Variants in GALNT13 observed in about 807,000 individuals in gnomAD.
GALNT13 encodes the protein UDP-GalNAc:polypeptide N-acetylgalactosaminyltransferase 13.
In GALNT13, 28 loss-of-function variants were observed where a neutral mutation model predicts 64.2. The observed-to-expected ratio is 0.44, with a 90% confidence interval of 0.32 to 0.60. The LOEUF (loss-of-function observed/expected upper bound fraction) is 0.60, where lower values mean the gene tolerates loss of function less well. Among genes scored for constraint, GALNT13 ranks in the 20% least tolerant of loss-of-function variants. The probability of loss-of-function intolerance (pLI) is 0.05; values close to 1 mark genes in which losing one functional copy is unlikely to be tolerated. For synonymous variants in GALNT13, 214 were observed against 224.6 expected (o/e 0.95, Z 0.42); for missense variants, 577 against 669.8 (o/e 0.86, Z 1.53).
At chr2:154,059,752 T>C (rs1700076460) in intron 3 of GALNT13, among the ~76,000 whole-genome samples, 2 of 152,288 alleles carry the variant, frequency 1.3e-5, no homozygotes, top group South Asian at 2.1e-4. Flanking sequence ...ATATTTTTCA[T>C]AGTGTTTTCC....
the GALNT13 span, among the ~76,000 whole-genome samples, chr2:153,845,792 A>G: frequency 6.6e-6 from 1 of 152,216 alleles, no homozygotes; most frequent in Non-Finnish European, 1.5e-5. Flanking sequence ...GGGTAAATGT[A>G]AAGTACCATA....
chr2:154,207,528 TAC>T (rs1453207412), intron 4 of GALNT13, among the ~76,000 whole-genome samples: 1 of 152,182 alleles, frequency 6.6e-6, no homozygotes, highest in Non-Finnish European at 1.5e-5. Context: ...AGTGAGTTAA[TAC>T]ATGTGCCTGG....
chr2:153,294,817 T>C, the GALNT13 span, among the ~76,000 whole-genome samples: 2 of 152,218 alleles, frequency 1.3e-5, no homozygotes, highest in Non-Finnish European at 2.9e-5. Flanking sequence ...ACACATCTGA[T>C]GCAAACTCTG....
the GALNT13 span, among the ~76,000 whole-genome samples, chr2:153,521,431 C>T: frequency 6.6e-6 from 1 of 152,290 alleles, no homozygotes; most frequent in East Asian, 1.9e-4. Flanking sequence ...GAGGGAAGTA[C>T]AGAGATATCT....
chr2:153,794,567 C>T, the GALNT13 span, among the ~76,000 whole-genome samples: 14 of 150,902 alleles, frequency 9.3e-5, no homozygotes, highest in African/African-American at 3.4e-4. Flanking sequence ...GTCACCCAGG[C>T]GAGAATGCAG....
chr2:154,296,811 T>C (rs529518704), intron 8 of GALNT13, among the ~76,000 whole-genome samples: 1 of 152,304 alleles, frequency 6.6e-6, no homozygotes, highest in African/African-American at 2.4e-5. Context: ...GGGATACATG[T>C]GCAGAATGTG....
At chr2:153,764,577 T>C in the GALNT13 span, among the ~76,000 whole-genome samples, 1 of 152,022 alleles carries the variant, frequency 6.6e-6, no homozygotes, top group Non-Finnish European at 1.5e-5. Context: ...TTGGAAAAAT[T>C]TGCAGCCTGA....
At chr2:153,203,691 T>C in the GALNT13 span, among the ~76,000 whole-genome samples, 1 of 152,178 alleles carries the variant, frequency 6.6e-6, no homozygotes, top group Non-Finnish European at 1.5e-5. Flanking sequence ...CCATAGTAGC[T>C]TGTTTAAGCA....
chr2:153,994,572 G>A (rs999838513), intron 3 of GALNT13, among the ~76,000 whole-genome samples: 1 of 152,126 alleles, frequency 6.6e-6, no homozygotes, highest in Non-Finnish European at 1.5e-5. Flanking sequence ...ATCCTCTCCA[G>A]CACCTGTTGT....
the GALNT13 span, among the ~76,000 whole-genome samples, chr2:153,669,464 C>T: frequency 6.6e-6 from 1 of 152,110 alleles, no homozygotes; most frequent in African/African-American, 2.4e-5. Context: ...ACACAATTTA[C>T]CTATAAAACA....
intron 9 of GALNT13, among the ~76,000 whole-genome samples, chr2:154,374,691 C>A (rs929515614): frequency 6.6e-6 from 1 of 152,148 alleles, no homozygotes; most frequent in Non-Finnish European, 1.5e-5. Flanking sequence ...TCAACTGCCC[C>A]TTTTGCAGTC....
the GALNT13 span, among the ~76,000 whole-genome samples, chr2:153,621,677 A>G: frequency 6.6e-6 from 1 of 151,814 alleles, no homozygotes; most frequent in African/African-American, 2.4e-5. Flanking sequence ...AGTCCTTCCC[A>G]CTCTTCCCTC....
At chr2:153,191,860 C>T in the GALNT13 span, among the ~76,000 whole-genome samples, 2 of 151,874 alleles carry the variant, frequency 1.3e-5, no homozygotes, top group Non-Finnish European at 1.5e-5. Context: ...TAGTTGTTTA[C>T]AGAAGTCTCT....
the GALNT13 span, among the ~76,000 whole-genome samples, chr2:153,326,967 G>T: frequency 6.6e-6 from 1 of 152,018 alleles, no homozygotes; most frequent in Admixed American, 6.6e-5. Context: ...GCCTGTAATT[G>T]CAGCTACTCA....
the GALNT13 span, among the ~76,000 whole-genome samples, chr2:153,716,579 T>C: frequency 1.8e-4 from 27 of 152,252 alleles, no homozygotes; most frequent in African/African-American, 6.0e-4. Context: ...ATAATCTGAA[T>C]TGCACACATC....
chr2:153,207,316 C>T, the GALNT13 span, among the ~76,000 whole-genome samples: 1 of 152,052 alleles, frequency 6.6e-6, no homozygotes. Flanking sequence ...GAATCATGTT[C>T]AGATTATGTG....
the GALNT13 span, among the ~76,000 whole-genome samples, chr2:153,749,457 T>C: frequency 6.6e-6 from 1 of 152,074 alleles, no homozygotes; most frequent in African/African-American, 2.4e-5. Context: ...TATTCATTCT[T>C]CCAATCTATG....
At chr2:154,087,362 G>C (rs1701583098) in intron 3 of GALNT13, among the ~76,000 whole-genome samples, 1 of 151,974 alleles carries the variant, frequency 6.6e-6, no homozygotes, top group South Asian at 2.1e-4. Flanking sequence ...CCGAAGACAT[G>C]TTTGTAGAAT....
At chr2:153,769,767 T>C in the GALNT13 span, among the ~76,000 whole-genome samples, 1 of 152,194 alleles carries the variant, frequency 6.6e-6, no homozygotes, top group Non-Finnish European at 1.5e-5. Context: ...TCTCAAAGGA[T>C]TTGCTCAGTT....
Sources: allele counts gnomAD v4.1 joint callset (sites outside exome capture counted in the v4.1 genomes callset), GRCh38; gene constraint gnomAD v4.1.1; transcripts MANE v1.5; gene names NCBI Gene and HGNC (gene_info 2026-07-23, HGNC 2026-07-21).